The following GET3 variants were observed in gnomAD, a reference collection of about 807,000 sequenced individuals.
GET3 encodes ATPase GET3.
A neutral mutation model predicts 32.4 loss-of-function variants in GET3; 15 were observed. That is an observed-to-expected ratio of 0.46 (90% CI 0.31 to 0.71). The LOEUF (loss-of-function observed/expected upper bound fraction) is 0.71, where lower values mean the gene tolerates loss of function less well. Among genes scored for constraint, GET3 ranks in the 30% least tolerant of loss-of-function variants. GET3 has a pLI of 0.05. For synonymous variants in GET3, 198 were observed against 185.6 expected (o/e 1.07, Z -0.54); for missense variants, 333 against 459.0 (o/e 0.73, Z 2.51).
intron 2 of GET3, among the ~76,000 whole-genome samples, chr19:12,742,408 TG>T (rs1393983140): frequency 1.3e-5 from 2 of 151,328 alleles, no homozygotes; most frequent in Admixed American, 1.3e-4. Context: ...ATTTTTGTTT[TG>T]GGGGGGTTTT....
intron 4 of GET3, among the ~76,000 whole-genome samples, chr19:12,746,871 A>G (rs1369107107): frequency 6.6e-6 from 1 of 152,036 alleles, no homozygotes; most frequent in Non-Finnish European, 1.5e-5. Context: ...TTAGCCGGGC[A>G]TGGTGGTGCG....
intron 2 of GET3, among the ~76,000 whole-genome samples, chr19:12,740,792 G>A (rs1024765591): frequency 3.3e-5 from 5 of 152,204 alleles, no homozygotes; most frequent in Non-Finnish European, 5.9e-5. Flanking sequence ...GAACTTGGGC[G>A]CTGCCAGGGT....
intron 2 of GET3, among the ~76,000 whole-genome samples, chr19:12,743,368 CAGGA>C (rs1349053241): frequency 2.0e-5 from 3 of 151,862 alleles, no homozygotes; most frequent in African/African-American, 7.3e-5. Context: ...CCCAGCTACT[CAGGA>C]AGCTGAGGCA....
chr19:12,737,790 C>G, intron 1 of GET3, 124 bp downstream of exon 1: 15 of 1,317,832 alleles, frequency 1.1e-5, no homozygotes, highest in Non-Finnish European at 1.5e-5. Context: ...TTGGGTTTCA[C>G]TCTCTGGAAG....
Position 12,737,575 on chromosome 19 carries a change from C to T in GET3, c.70C>T (p.Leu24=), listed in dbSNP as rs1347192623. ...EFEDAPDVEP[L]EPTLSNIIEQ... ...CGAAGATGCTCCTGATGTGGAGCCGCTGGAGCCTACACTTAGCAACATCAT... is the reference window on the plus strand; with the variant it reads ...CGAAGATGCTCCTGATGTGGAGCCGTTGGAGCCTACACTTAGCAACATCAT... The change falls in exon 1 of 7, where the codon CTG becomes TTG. Residue 24 remains leucine, a synonymous_variant. Transcript: ENST00000357332. 5.6e-6 allele frequency: 9 copies of T among 1,611,382 alleles called. No individual in the cohort carries two copies. Among genetic ancestry groups the T allele is most frequent in the Non-Finnish European group, 7.6e-6 (9 of 1,179,008 alleles).
chr19:12,739,403 T>A (rs1346900831), intron 2 of GET3, among the ~76,000 whole-genome samples: 1 of 152,126 alleles, frequency 6.6e-6, no homozygotes, highest in African/African-American at 2.4e-5. Context: ...TGACCTCAAG[T>A]GATCTGACTG....
intron 2 of GET3, among the ~76,000 whole-genome samples, chr19:12,740,049 T>C (rs907196258): frequency 2.6e-5 from 4 of 151,870 alleles, no homozygotes; most frequent in African/African-American, 4.8e-5. Flanking sequence ...GGCTAATTTT[T>C]GTATTTTTAG....
In GET3 at chr19:12,747,700, G is replaced by GCC; in HGVS notation, c.915+112_915+113dup. 7.3e-7 allele frequency: 1 copy of GCC among 1,360,766 alleles called. No individual in the cohort carries two copies. The highest frequency in any genetic ancestry group is 1.0e-6 in the Non-Finnish European group (1 of 1,002,050). The allele number at this position is 1,360,766 out of a possible 1,614,324, so 84.3% of individuals were successfully genotyped here. The stretch of plus-strand genomic sequence containing the variant: ...TCTGCCCTCTAGCCTCCTGCCCTTT[G>GCC]CCCCCACATTTCAGATCCTTCACCC... On this transcript the variant is annotated intron_variant, in intron 6 of 6. Transcript: ENST00000357332. This position sits in a 1 kb window ranked among gnomAD's most constrained non-coding sequence, Gnocchi z 4.0.
intron 2 of GET3, 82 bp downstream of exon 2, chr19:12,738,740 T>C: frequency 6.5e-7 from 1 of 1,549,814 alleles, no homozygotes; most frequent in South Asian, 1.2e-5. Context: ...GCAGCCACCG[T>C]GTCCTATCCA....
At chr19:12,738,699 C>T (rs753895066) in intron 2 of GET3, 41 bp downstream of exon 2, 2 of 1,612,868 alleles carry the variant, frequency 1.2e-6, no homozygotes, top group Admixed American at 1.7e-5. Context: ...TGGGAAAAGC[C>T]TCTTCCAGCC....
chr19:12,739,253 C>T (rs1967623943), intron 2 of GET3, among the ~76,000 whole-genome samples: 2 of 152,158 alleles, frequency 1.3e-5, no homozygotes, highest in Middle Eastern at 3.4e-3. Flanking sequence ...CTGCAACCTC[C>T]GCCTCCCAGG....
chr19:12,740,039 G>A (rs1010483227), intron 2 of GET3, among the ~76,000 whole-genome samples: 4 of 151,796 alleles, frequency 2.6e-5, no homozygotes, highest in Admixed American at 2.0e-4. Flanking sequence ...CACCATGCCC[G>A]GCTAATTTTT....
At chr19:12,738,452 G>A (rs1219474174) in intron 1 of GET3, 59 bp from the exon 2 acceptor site, 2 of 1,599,120 alleles carry the variant, frequency 1.3e-6, no homozygotes, top group Non-Finnish European at 8.5e-7. Flanking sequence ...TCCCCTTGCA[G>A]ACCCAGGGAA....
chr19:12,743,722 CTTTTTTTTTTTTTT>C (rs776785337), intron 2 of GET3, among the ~76,000 whole-genome samples: 2 of 70,408 alleles, frequency 2.8e-5, no homozygotes, highest in Non-Finnish European at 4.9e-5. Flanking sequence ...GACTCCATCT[CTTTTTTTTTTTTTT>C]TTTTTTTTTT....
At chr19:12,743,129 T>C (rs1216238604) in intron 2 of GET3, among the ~76,000 whole-genome samples, 4 of 152,210 alleles carry the variant, frequency 2.6e-5, no homozygotes, top group Admixed American at 6.5e-5. Context: ...AGTTGGGTAC[T>C]TCCCCATGGG....
At position 12,745,836 on chromosome 19, in the gene GET3, A is replaced by C; in HGVS notation, c.609+77A>C. The C allele has an allele frequency of 6.7e-7, 1 of 1,501,930 alleles. No homozygotes were observed. Among genetic ancestry groups the C allele is most frequent in the Non-Finnish European group, 8.9e-7 (1 of 1,123,536 alleles). The allele number at this position is 1,501,930 out of a possible 1,614,324, so 93.0% of individuals were successfully genotyped here. On this transcript the variant is annotated intron_variant, in intron 4 of 6. Transcript: ENST00000357332. The surrounding 1 kb of genome is among the most constrained non-coding windows in gnomAD (Gnocchi z 5.0). ...TAGGCCCGGGCCCCCAGACCCTCAA[A>C]TGCGCACTAACAATTCCCTTTCCTT...
In GET3 at chr19:12,745,773, G is replaced by T; in HGVS notation, c.609+14G>T. On this transcript the variant is annotated intron_variant, in intron 4 of 6. Transcript: ENST00000357332. This position sits in a 1 kb window ranked among gnomAD's most constrained non-coding sequence, Gnocchi z 5.0. ...TTCATCTCACAGGCAGGCGGCGGGG[G>T]CCCCCACCTGCACCATCCAGGCAGC... The T allele has an allele frequency of 1.3e-6, 2 of 1,594,182 alleles. No homozygotes were observed. Among genetic ancestry groups the T allele is most frequent in the South Asian group, 2.3e-5 (2 of 88,864 alleles).
chr19:12,748,033 C>T lies in GET3; in HGVS notation c.976C>T (p.Arg326Trp), dbSNP rs775657848. The T allele has an allele frequency of 1.9e-6, 3 of 1,611,724 alleles. No homozygotes were observed. Among genetic ancestry groups the T allele is most frequent in the African/African-American group, 1.3e-5 (1 of 74,872 alleles). The part of the protein sequence containing the change: ...VKLPLLPHEV[R>W]GADKVNTFSA... ...GCTGCCGCTGTTACCCCATGAGGTGCGGGGGGCAGACAAGGTCAACACCTT... is the reference window on the plus strand; with the variant it reads ...GCTGCCGCTGTTACCCCATGAGGTGTGGGGGGCAGACAAGGTCAACACCTT... The change falls in exon 7 of 7, where the codon CGG becomes TGG. Residue 326 changes from arginine to tryptophan, a missense_variant. Coordinates refer to ENST00000357332, the MANE Select transcript of GET3 (RefSeq NM_004317.4).
Position 12,745,496 on chromosome 19 carries a change from T to C in GET3, c.429T>C (p.Asp143=), listed in dbSNP as rs755708127. 1.9e-6 allele frequency: 3 copies of C among 1,613,056 alleles called. No homozygotes were observed. Among genetic ancestry groups the C allele is most frequent in the Non-Finnish European group, 2.5e-6 (3 of 1,179,998 alleles). ...CCATGAGCGCATTTCCCGGCATCGA[T>C]GAGGCCATGAGCTATGCCGAGGTCA... is the stretch of plus-strand genomic sequence containing the variant. ...QEAMSAFPGI[D]EAMSYAEVMR... is the part of the protein sequence containing the mutation. Residue 143 remains aspartate (D), a synonymous_variant, in exon 3 of 7, where the codon GAT becomes GAC. Coordinates refer to ENST00000357332, the MANE Select transcript of GET3 (RefSeq NM_004317.4). This position sits in a 1 kb window ranked among gnomAD's most constrained non-coding sequence, Gnocchi z 5.0.
Sources: gnomAD v4.1 joint callset for allele counts (sites outside exome capture counted in the v4.1 genomes callset) on GRCh38, gnomAD v4.1.1 for gene constraint, Gnocchi (gnomAD v3.1) non-coding constraint, MANE v1.5 for transcripts, NCBI Gene and HGNC (gene_info 2026-07-23, HGNC 2026-07-21) for gene names.